Variants in EDIL3 observed in about 807,000 individuals in gnomAD.
The protein encoded by EDIL3 is EGF-like repeat and discoidin I-like domain-containing protein 3.
EDIL3 carries 37 observed loss-of-function variants against 67.4 expected under a neutral mutation model. The observed-to-expected ratio is 0.55, with a 90% confidence interval of 0.42 to 0.72. The LOEUF (loss-of-function observed/expected upper bound fraction) is 0.72. Ranked by LOEUF, EDIL3 falls within the 30% of genes least tolerant of loss-of-function variation. EDIL3 has a pLI of 0.00. For missense variants in EDIL3, 527 were observed against 586.3 expected, an observed-to-expected ratio of 0.90 and a Z score of 1.04; for synonymous variants, 195 against 196.3, an observed-to-expected ratio of 0.99 and a Z score of 0.05.
chr5:84,203,244 T>A (rs934834186), intron 3 of EDIL3, among the ~76,000 whole-genome samples: 1 of 152,200 alleles, frequency 6.6e-6, no homozygotes, highest in Non-Finnish European at 1.5e-5. Flanking sequence ...TATACTGATA[T>A]TCTGTAGGCT....
chr5:84,002,981 T>C (rs955431255), intron 9 of EDIL3, among the ~76,000 whole-genome samples: 4 of 152,200 alleles, frequency 2.6e-5, no homozygotes, highest in Non-Finnish European at 5.9e-5. Context: ...AGAGGCTTTG[T>C]GTCTCTCTGG....
chr5:84,109,532 A>G (rs1747522508), intron 5 of EDIL3, among the ~76,000 whole-genome samples: 1 of 152,020 alleles, frequency 6.6e-6, no homozygotes, highest in South Asian at 2.1e-4. Flanking sequence ...CAAAAAAGCA[A>G]AACAAAAAAC....
At chr5:84,163,562 T>C (rs1425310635) in intron 4 of EDIL3, among the ~76,000 whole-genome samples, 4 of 152,090 alleles carry the variant, frequency 2.6e-5, no homozygotes, top group Admixed American at 6.6e-5. Context: ...AAAAAAGTCA[T>C]GGATAGCTCA....
chr5:84,165,289 A>T (rs779279398), intron 4 of EDIL3, among the ~76,000 whole-genome samples: 12 of 152,160 alleles, frequency 7.9e-5, no homozygotes, highest in Non-Finnish European at 1.6e-4. Context: ...CTTTTACCAG[A>T]TGATGTTTAG....
At chr5:83,970,231 TTTC>T (rs1580258234) in intron 9 of EDIL3, among the ~76,000 whole-genome samples, 1 of 144,220 alleles carries the variant, frequency 6.9e-6, no homozygotes. Flanking sequence ...TAATTTATAT[TTTC>T]TTAATTGTTC....
rs561015051 is a variant in EDIL3, at chr5:84,210,992, C to T, written c.226+18863G>A. Among the ~76,000 whole-genome samples the T allele has an allele frequency of 2.7e-4, 41 of 152,212 alleles. No homozygotes were observed. In the South Asian group the frequency reaches 6.2e-3, roughly 23 times the overall value. ...TATTGTAGTAGGTTGAATGGTGCTC[C>T]GCCACCCCGCCCCCCAACCAAAATA... On this transcript the variant is annotated intron_variant, in intron 3 of 10. Coordinates refer to ENST00000296591, the MANE Select transcript of EDIL3 (RefSeq NM_005711.5).
At chr5:84,032,283 C>T (rs1378618424) in intron 9 of EDIL3, among the ~76,000 whole-genome samples, 1 of 152,114 alleles carries the variant, frequency 6.6e-6, no homozygotes, top group Non-Finnish European at 1.5e-5. Flanking sequence ...ATCCAAACAG[C>T]TAAATCATAA....
chr5:84,201,808 G>A (rs1455458884), intron 3 of EDIL3, among the ~76,000 whole-genome samples: 2 of 152,074 alleles, frequency 1.3e-5, no homozygotes, highest in African/African-American at 2.4e-5. Context: ...TTTGAAAGGT[G>A]AAATAATCAG....
chr5:84,350,935 G>T (rs1203252232), intron 1 of EDIL3, among the ~76,000 whole-genome samples: 1 of 151,982 alleles, frequency 6.6e-6, no homozygotes, highest in Non-Finnish European at 1.5e-5. Context: ...GTAAATTAAT[G>T]ATATATTTTT....
chr5:84,226,433 T>A (rs1373964), intron 3 of EDIL3, among the ~76,000 whole-genome samples: 100,883 of 151,370 alleles, frequency 0.67, 34,286 homozygotes, highest in East Asian at 0.85. Context: ...CTTTAAAAAA[T>A]TAAGTGTTGA....
At chr5:84,130,843 T>C (rs1404681079) in intron 5 of EDIL3, among the ~76,000 whole-genome samples, 2 of 152,118 alleles carry the variant, frequency 1.3e-5, no homozygotes, top group African/African-American at 2.4e-5. Context: ...TATGTTTTGA[T>C]AGCCTTTTAC....
intron 9 of EDIL3, among the ~76,000 whole-genome samples, chr5:84,020,200 C>T (rs535541273): frequency 3.5e-4 from 53 of 151,880 alleles, no homozygotes; most frequent in Non-Finnish European, 5.3e-4. Flanking sequence ...TTCTTAGATG[C>T]TTTAAATAAA....
At chr5:83,982,230 A>G (rs918733211) in intron 9 of EDIL3, among the ~76,000 whole-genome samples, 1 of 152,144 alleles carries the variant, frequency 6.6e-6, no homozygotes, top group Non-Finnish European at 1.5e-5. Context: ...CTTATATGGC[A>G]TAATGCCTAG....
intron 9 of EDIL3, among the ~76,000 whole-genome samples, chr5:83,996,178 T>C (rs544184239): frequency 6.6e-6 from 1 of 152,208 alleles, no homozygotes; most frequent in African/African-American, 2.4e-5. Context: ...AATGCAAACC[T>C]TTATAATAAT....
At chr5:84,020,524 A>G (rs1745696030) in intron 9 of EDIL3, among the ~76,000 whole-genome samples, 1 of 151,994 alleles carries the variant, frequency 6.6e-6, no homozygotes, top group Non-Finnish European at 1.5e-5. Context: ...TCTTCTTCGC[A>G]TCTCTTTAAC....
At chr5:84,269,741 A>G (rs957676577) in intron 1 of EDIL3, among the ~76,000 whole-genome samples, 4 of 152,164 alleles carry the variant, frequency 2.6e-5, no homozygotes, top group Admixed American at 6.6e-5. Context: ...CATTATCCCC[A>G]AAGTTAATGC....
chr5:84,141,185 A>C (rs1405385582), intron 4 of EDIL3, among the ~76,000 whole-genome samples: 4 of 151,938 alleles, frequency 2.6e-5, no homozygotes, highest in Admixed American at 6.6e-5. Flanking sequence ...CTGATAAAGT[A>C]GCCCCCATAT....
At chr5:84,244,058 C>G (rs767708861) in intron 2 of EDIL3, among the ~76,000 whole-genome samples, 3 of 152,118 alleles carry the variant, frequency 2.0e-5, no homozygotes, top group Non-Finnish European at 4.4e-5. Flanking sequence ...TGTGGCCAAA[C>G]AAAACTCCAG....
chr5:84,050,853 G>A lies in EDIL3; in HGVS notation c.1137+9447C>T, dbSNP rs191270415. Among the ~76,000 whole-genome samples, 1,309 of 152,344 alleles carry A rather than the reference G, an allele frequency of 8.6e-3. 20 individuals carry two copies. Among genetic ancestry groups the A allele is most frequent in the African/African-American group, 0.03 (1,235 of 41,582 alleles). ...GGTGAAGCCCACCGCAGCTCAAGGA[G>A]GCCTGCCTGCCTCTGTAGACTCCAC... On this transcript the variant is annotated intron_variant, in intron 9 of 10. Transcript: ENST00000296591.
Sources: gnomAD v4.1 joint callset for allele counts (sites outside exome capture counted in the v4.1 genomes callset) on GRCh38, gnomAD v4.1.1 for gene constraint, MANE v1.5 for transcripts, NCBI Gene and HGNC (gene_info 2026-07-23, HGNC 2026-07-21) for gene names.